The following BPTF variants were observed in gnomAD, a reference collection of about 807,000 sequenced individuals.
BPTF encodes nucleosome-remodeling factor subunit BPTF.
In BPTF, 18 loss-of-function variants were observed where a neutral mutation model predicts 292.5. The ratio of observed to expected loss-of-function variants is 0.06; its 90% CI spans 0.04 to 0.09. The LOEUF is 0.09. Ranked by LOEUF, BPTF falls within the 10% of genes least tolerant of loss-of-function variation. BPTF has a pLI of 1.00. For missense variants in BPTF, 2,726 were observed against 3,498.7 expected, an observed-to-expected ratio of 0.78 and a Z score of 5.57; for synonymous variants, 1,225 against 1,251.9, an observed-to-expected ratio of 0.98 and a Z score of 0.45.
chr17:67,898,031 C>T (rs1374010291), intron 7 of BPTF, among the ~76,000 whole-genome samples: 1 of 152,138 alleles, frequency 6.6e-6, no homozygotes, highest in East Asian at 1.9e-4. Context: ...ACCTTAGACA[C>T]CAATCTCCAA....
intron 19 of BPTF, among the ~76,000 whole-genome samples, chr17:67,942,691 T>C (rs1406554845): frequency 2.0e-5 from 3 of 152,218 alleles, no homozygotes; most frequent in Admixed American, 2.0e-4. Context: ...GTAGCAGCAT[T>C]GTTCATAAGA....
chr17:67,905,991 T>C (rs1227037966), intron 9 of BPTF, among the ~76,000 whole-genome samples: 1 of 152,080 alleles, frequency 6.6e-6, no homozygotes, highest in Admixed American at 6.6e-5. Flanking sequence ...ATGGCACATG[T>C]ATACATATGT....
In BPTF at chr17:67,826,306, C is replaced by T. The variant is rs1284898052; in HGVS notation, c.582C>T (p.Phe194=). 1.9e-6 allele frequency: 3 copies of T among 1,612,320 alleles called. No individual in the cohort carries two copies. The highest frequency in any genetic ancestry group is 2.2e-5 in the East Asian group (1 of 44,844). ...DDASYCTESS[F]RSHSTYSSTP... ...CCAGTTACTGCACGGAAAGCAGCTT[C>T]AGGAGCCATAGTACCTACAGCAGCA... Residue 194 remains phenylalanine, a synonymous_variant, in exon 1 of 28, where the codon TTC becomes TTT. Coordinates refer to ENST00000306378, the MANE Select transcript of BPTF (RefSeq NM_182641.4).
intron 26 of BPTF, among the ~76,000 whole-genome samples, chr17:67,973,064 A>G (rs2068964316): frequency 6.9e-6 from 1 of 144,770 alleles, no homozygotes; most frequent in Non-Finnish European, 1.5e-5. Flanking sequence ...TTATATATAT[A>G]TAAATATATA....
chr17:67,853,883 AT>A (rs1202180336), intron 1 of BPTF, 56 bp from the exon 2 acceptor site: 2 of 1,390,366 alleles, frequency 1.4e-6, no homozygotes, highest in African/African-American at 2.9e-5. Context: ...CAAATAGGAA[AT>A]TTGTAGAAAT....
chr17:67,972,607 G>C (rs575630736), intron 26 of BPTF, among the ~76,000 whole-genome samples: 1 of 152,180 alleles, frequency 6.6e-6, no homozygotes, highest in Non-Finnish European at 1.5e-5. Flanking sequence ...GCATATGGTA[G>C]TTTTTAACAT....
intron 21 of BPTF, among the ~76,000 whole-genome samples, chr17:67,947,328 T>C (rs2065889450): frequency 6.6e-6 from 1 of 152,222 alleles, no homozygotes; most frequent in Admixed American, 6.5e-5. Flanking sequence ...GGGACAGTTC[T>C]TTAAAATTCA....
Position 67,825,814 on chromosome 17 carries a change from G to A in BPTF, c.90G>A (p.Pro30=). 5 of 1,024,402 alleles carry A rather than the reference G, an allele frequency of 4.9e-6. No homozygotes were observed. Among genetic ancestry groups the A allele is most frequent in the Admixed American group, 5.8e-5 (1 of 17,358 alleles). The allele number at this position is 1,024,402 out of a possible 1,614,324, so 63.5% of individuals were successfully genotyped here. The change falls in exon 1 of 28, where the codon CCG becomes CCA. Residue 30 remains proline (P), a synonymous_variant. Transcript: ENST00000306378. ...CGGCCCCGCCGCCACCGCCGCCGCC[G>A]CCCACGTCCGGACCCATCGGGGGGC... ...CAPAPPPPPP[P]PTSGPIGGLR...
intron 19 of BPTF, among the ~76,000 whole-genome samples, chr17:67,941,999 A>G (rs773973295): frequency 2.0e-5 from 3 of 152,158 alleles, no homozygotes; most frequent in South Asian, 4.1e-4. Flanking sequence ...AGATAGATCA[A>G]TAGGAAAAAA....
chr17:67,890,649 A>G (rs555556175), intron 4 of BPTF, among the ~76,000 whole-genome samples: 14 of 152,316 alleles, frequency 9.2e-5, no homozygotes, highest in South Asian at 4.1e-4. Flanking sequence ...TCATATGATT[A>G]AAGTGTGGGA....
chr17:67,840,556 C>G (rs1178753302), intron 1 of BPTF, among the ~76,000 whole-genome samples: 1 of 151,532 alleles, frequency 6.6e-6, no homozygotes. Flanking sequence ...CTTCCTCCTC[C>G]TCCTTTCTAT....
At chr17:67,834,394 C>T (rs372398987) in intron 1 of BPTF, among the ~76,000 whole-genome samples, 16 of 152,218 alleles carry the variant, frequency 1.1e-4, no homozygotes, top group African/African-American at 3.9e-4. Flanking sequence ...GTATTCTGCT[C>T]TTGTTGAGTG....
intron 4 of BPTF, among the ~76,000 whole-genome samples, chr17:67,885,521 T>C (rs1001444291): frequency 1.3e-5 from 2 of 151,988 alleles, no homozygotes; most frequent in East Asian, 1.9e-4. Flanking sequence ...ACCTGGGAGG[T>C]GGAGGCTACA....
At chr17:67,976,005 T>C (rs1568230468) in intron 27 of BPTF, 47 bp downstream of exon 27, 1 of 1,447,708 alleles carries the variant, frequency 6.9e-7, no homozygotes, top group Admixed American at 2.0e-5. Flanking sequence ...CTCTTCACAC[T>C]CTTTATACTA....
At chr17:67,827,021 A>C (rs1367196612) in intron 1 of BPTF, among the ~76,000 whole-genome samples, 7 of 152,218 alleles carry the variant, frequency 4.6e-5, no homozygotes, top group Non-Finnish European at 8.8e-5. Context: ...CAACGCAGAA[A>C]GCCAAACAAG....
At chr17:67,837,057 G>T (rs1195520898) in intron 1 of BPTF, among the ~76,000 whole-genome samples, 1 of 152,180 alleles carries the variant, frequency 6.6e-6, no homozygotes, top group Non-Finnish European at 1.5e-5. Context: ...TAACAGTGGA[G>T]ATTGTTTATG....
chr17:67,825,998 C>G lies in BPTF; in HGVS notation c.274C>G (p.Arg92Gly), dbSNP rs1598050584. 1.8e-5 allele frequency: 12 copies of G among 666,052 alleles called. No individual in the cohort carries two copies. The highest frequency in any genetic ancestry group is 2.4e-5 in the Non-Finnish European group (12 of 506,788). The allele number at this position is 666,052 out of a possible 1,614,324, so 41.3% of individuals were successfully genotyped here. A position where few individuals can be genotyped will look rare whatever the true frequency, so the allele number is the denominator to read the frequency against. ...CCCCCCCAGCACCAGCGCCCCGGGC[C>G]GGGGGGGGCGAGGAGGCGGGGGCGG... is the stretch of plus-strand genomic sequence containing the variant. ...PAPPSTSAPGRGGRGGGGGRT... is the reference protein window; with the variant it reads ...PAPPSTSAPGGGGRGGGGGRT... The change falls in exon 1 of 28, where the codon CGG becomes GGG. Residue 92 changes from arginine (R) to glycine (G), a missense_variant. Transcript: ENST00000306378.
intron 15 of BPTF, among the ~76,000 whole-genome samples, chr17:67,926,514 C>T (rs1301062593): frequency 1.3e-5 from 2 of 151,416 alleles, no homozygotes; most frequent in African/African-American, 2.4e-5. Flanking sequence ...TTAGTAGAGA[C>T]GGGGTTTCAC....
intron 11 of BPTF, among the ~76,000 whole-genome samples, chr17:67,917,291 C>A (rs1417964767): frequency 6.6e-6 from 1 of 151,856 alleles, no homozygotes; most frequent in African/African-American, 2.4e-5. Flanking sequence ...CGCCACCATA[C>A]CCAGCTTAGT....
Sources: allele counts gnomAD v4.1 joint callset (sites outside exome capture counted in the v4.1 genomes callset), GRCh38; gene constraint gnomAD v4.1.1; transcripts MANE v1.5; gene names NCBI Gene and HGNC (gene_info 2026-07-23, HGNC 2026-07-21).